The following DSCAM variants were observed in gnomAD, a reference collection of about 807,000 sequenced individuals.
DSCAM encodes the protein DS cell adhesion molecule.
Under a neutral mutation model 217.7 loss-of-function variants are expected in DSCAM, and 47 were observed. The ratio of observed to expected loss-of-function variants is 0.22; its 90% CI spans 0.17 to 0.28. DSCAM has a LOEUF of 0.28. Among genes scored for constraint, DSCAM ranks in the 10% least tolerant of loss-of-function variants. The pLI is 1.00. For synonymous variants in DSCAM, 1,056 were observed against 1,015.3 expected (o/e 1.04, Z -0.76); for missense variants, 2,080 against 2,618.3 (o/e 0.79, Z 4.49).
chr21:40,631,629 G>A (rs766824669), intron 3 of DSCAM, among the ~76,000 whole-genome samples: 1 of 152,154 alleles, frequency 6.6e-6, no homozygotes, highest in Non-Finnish European at 1.5e-5. Context: ...AATCAGTCAT[G>A]GAAACAATCA....
chr21:40,336,487 T>C (rs74838499), intron 8 of DSCAM, among the ~76,000 whole-genome samples: 5 of 152,362 alleles, frequency 3.3e-5, no homozygotes, highest in African/African-American at 4.8e-5. Flanking sequence ...GTATAACAAA[T>C]TGTATCAACA....
rs543958486 is a variant in DSCAM, at chr21:40,763,786, C to T, written c.44-55015G>A. ...AACAGAACAGAGGCCTCAGAAATAACAGCACACATCTACAACCATCTGATC... is the reference window on the plus strand; with the variant it reads ...AACAGAACAGAGGCCTCAGAAATAATAGCACACATCTACAACCATCTGATC... On this transcript the variant is annotated intron_variant, in intron 1 of 32. Transcript: ENST00000400454. Among the ~76,000 whole-genome samples the T allele has an allele frequency of 1.4e-3, 216 of 152,224 alleles. 1 individual carries two copies. The highest frequency in any genetic ancestry group is 5.0e-3 in the African/African-American group (209 of 41,536).
At chr21:40,558,374 G>C (rs1190575789) in intron 3 of DSCAM, among the ~76,000 whole-genome samples, 3 of 152,020 alleles carry the variant, frequency 2.0e-5, no homozygotes, top group Non-Finnish European at 4.4e-5. Flanking sequence ...CATGAACCTG[G>C]GAGGCGGAGC....
intron 2 of DSCAM, among the ~76,000 whole-genome samples, chr21:40,693,920 T>G (rs1230760008): frequency 1.3e-5 from 2 of 152,086 alleles, no homozygotes; most frequent in Non-Finnish European, 2.9e-5. Context: ...AAATCCAAGC[T>G]CGGCCACTCC....
At chr21:40,109,796 A>T (rs1345751938) in intron 20 of DSCAM, among the ~76,000 whole-genome samples, 2 of 152,222 alleles carry the variant, frequency 1.3e-5, no homozygotes, top group Non-Finnish European at 2.9e-5. Context: ...GGAGGGTCCT[A>T]TGCCCACAGA....
chr21:40,313,971 G>C (rs1261851356), intron 8 of DSCAM, among the ~76,000 whole-genome samples: 2 of 152,238 alleles, frequency 1.3e-5, no homozygotes, highest in East Asian at 3.9e-4. Flanking sequence ...TTAAGGAAGA[G>C]GTAAGGGATC....
chr21:40,374,259 T>C (rs1046531810), intron 3 of DSCAM, among the ~76,000 whole-genome samples: 2 of 152,226 alleles, frequency 1.3e-5, no homozygotes, highest in South Asian at 2.1e-4. Flanking sequence ...GTAAATGCCA[T>C]GTTTGTTATT....
chr21:40,574,589 A>G (rs1035615815), intron 3 of DSCAM, among the ~76,000 whole-genome samples: 1 of 152,220 alleles, frequency 6.6e-6, no homozygotes, highest in African/African-American at 2.4e-5. Flanking sequence ...CATCACTTTT[A>G]GTCACTTCTA....
chr21:40,835,719 G>A (rs1359031116), intron 1 of DSCAM, among the ~76,000 whole-genome samples: 1 of 152,088 alleles, frequency 6.6e-6, no homozygotes, highest in Non-Finnish European at 1.5e-5. Context: ...GTATTTTTAA[G>A]GTTCTGAATT....
At chr21:40,089,291 A>G (rs1399360374) in intron 21 of DSCAM, among the ~76,000 whole-genome samples, 1 of 152,204 alleles carries the variant, frequency 6.6e-6, no homozygotes, top group Non-Finnish European at 1.5e-5. Flanking sequence ...TTTGTTTAAA[A>G]TGCAGGTTCC....
intron 11 of DSCAM, among the ~76,000 whole-genome samples, chr21:40,192,346 T>C (rs921671773): frequency 6.6e-6 from 1 of 152,164 alleles, no homozygotes; most frequent in Non-Finnish European, 1.5e-5. Context: ...TGGGAGATAA[T>C]TGAATCATAG....
intron 11 of DSCAM, among the ~76,000 whole-genome samples, chr21:40,226,978 C>T (rs1407489555): frequency 1.3e-5 from 2 of 152,104 alleles, no homozygotes; most frequent in Non-Finnish European, 2.9e-5. Context: ...ATAGTTCCCA[C>T]TTGTAAGTGA....
chr21:40,020,488 CA>C (rs2088244111), intron 32 of DSCAM, among the ~76,000 whole-genome samples: 1 of 151,642 alleles, frequency 6.6e-6, no homozygotes, highest in African/African-American at 2.4e-5. Context: ...AGACAGCAAG[CA>C]GGGCATACAC....
intron 11 of DSCAM, among the ~76,000 whole-genome samples, chr21:40,203,334 C>G (rs764882431): frequency 3.0e-4 from 45 of 152,206 alleles, no homozygotes; most frequent in Non-Finnish European, 1.0e-4. Context: ...CTTTTATACA[C>G]AGAGTTATTA....
Position 40,383,808 on chromosome 21 carries a change from T to C in DSCAM, c.509-14563A>G, listed in dbSNP as rs368810201. ...AAAGTAGTAATGCATTTTTTTATAA[T>C]TACATTGTTTTAAGTAAACAAGAAT... is the stretch of plus-strand genomic sequence containing the variant. On this transcript the variant is annotated intron_variant, in intron 3 of 32. Transcript: ENST00000400454. 4.6e-5 allele frequency: 7 copies of C among 152,336 alleles called. No individual in the cohort carries two copies. In the East Asian group the frequency reaches 5.8e-4, roughly 13 times the overall value. 9.4% of individuals were successfully genotyped at this position (152,336 alleles called of 1,614,324 possible). A position where few individuals can be genotyped will look rare whatever the true frequency, so the allele number is the denominator to read the frequency against.
intron 3 of DSCAM, among the ~76,000 whole-genome samples, chr21:40,421,372 T>C (rs1233654860): frequency 6.6e-5 from 10 of 152,222 alleles, no homozygotes; most frequent in Non-Finnish European, 1.5e-4. Flanking sequence ...TCGGTAAGCA[T>C]AGTCATAGGC....
rs116608986 is a variant in DSCAM at position 40,725,707 on chromosome 21, G to T, written c.44-16936C>A. Among the ~76,000 whole-genome samples the T allele has an allele frequency of 4.8e-3, 733 of 152,264 alleles. 2 individuals carry two copies. The highest frequency in any genetic ancestry group is 0.017 in the African/African-American group (686 of 41,542). On this transcript the variant is annotated intron_variant, in intron 1 of 32. Coordinates refer to ENST00000400454, the MANE Select transcript of DSCAM (RefSeq NM_001389.5). ...AAAGCATTTCTTTGTGAGAAAAGGT[G>T]CCATCATTTCTGGGGTTCTCTGTAG...
At chr21:40,093,265 G>C (rs1054231806) in intron 21 of DSCAM, among the ~76,000 whole-genome samples, 1 of 152,136 alleles carries the variant, frequency 6.6e-6, no homozygotes, top group East Asian at 1.9e-4. Context: ...CCTACTTCCT[G>C]CTGTTACTTA....
intron 16 of DSCAM, among the ~76,000 whole-genome samples, chr21:40,151,117 AC>A: frequency 2.0e-5 from 3 of 152,198 alleles, no homozygotes; most frequent in Admixed American, 2.0e-4. Flanking sequence ...ATCTCTCAAG[AC>A]TAATGCCTCC....
Sources: gnomAD v4.1 joint callset for allele counts (sites outside exome capture counted in the v4.1 genomes callset) on GRCh38, gnomAD v4.1.1 for gene constraint, MANE v1.5 for transcripts, NCBI Gene and HGNC (gene_info 2026-07-23, HGNC 2026-07-21) for gene names.